The following SMAP1 variants were observed in gnomAD, a reference collection of about 807,000 sequenced individuals.
The protein encoded by SMAP1 is small ArfGAP 1.
SMAP1 carries 24 observed loss-of-function variants against 58.5 expected under a neutral mutation model. That is an observed-to-expected ratio of 0.41 (90% CI 0.30 to 0.58). The LOEUF is 0.58. Among genes scored for constraint, SMAP1 ranks in the 20% least tolerant of loss-of-function variants. SMAP1 has a pLI of 0.29. For missense variants in SMAP1, 563 were observed against 566.3 expected (o/e 0.99, Z 0.06); for synonymous variants, 216 against 196.6 (o/e 1.10, Z -0.82).
chr6:70,776,215 G>C (rs895051834), intron 4 of SMAP1, among the ~76,000 whole-genome samples: 4 of 151,764 alleles, frequency 2.6e-5, no homozygotes. Context: ...ACAGAGTCTC[G>C]CTCTGTTGCC....
chr6:70,801,754 C>A (rs1768865200), intron 6 of SMAP1, among the ~76,000 whole-genome samples: 1 of 152,134 alleles, frequency 6.6e-6, no homozygotes, highest in African/African-American at 2.4e-5. Context: ...TTTCCCAGCA[C>A]CATTTATTAA....
At chr6:70,693,324 A>T (rs1313242157) in intron 1 of SMAP1, among the ~76,000 whole-genome samples, 11 of 106,572 alleles carry the variant, frequency 1.0e-4, no homozygotes, top group African/African-American at 3.3e-4. Context: ...TTTTTTTTTA[A>T]GACAGAGTCT....
At chr6:70,704,201 C>T (rs1341887511) in intron 1 of SMAP1, among the ~76,000 whole-genome samples, 1 of 152,172 alleles carries the variant, frequency 6.6e-6, no homozygotes, top group African/African-American at 2.4e-5. Context: ...TTTATAACAT[C>T]TGTCCTCATG....
At chr6:70,781,273 C>T (rs1767753459) in intron 4 of SMAP1, among the ~76,000 whole-genome samples, 1 of 152,158 alleles carries the variant, frequency 6.6e-6, no homozygotes, top group South Asian at 2.1e-4. Context: ...TTCTTCTACA[C>T]ACTTGGTAGC....
At chr6:70,857,830 T>G in intron 9 of SMAP1, 92 bp from the exon 10 acceptor site, 1 of 1,376,526 alleles carries the variant, frequency 7.3e-7, no homozygotes, top group South Asian at 1.3e-5. Flanking sequence ...TTGCTGTGAG[T>G]AGTTCAGAAA....
intron 3 of SMAP1, among the ~76,000 whole-genome samples, chr6:70,771,960 C>T (rs1767342561): frequency 1.3e-5 from 2 of 152,198 alleles, no homozygotes; most frequent in African/African-American, 4.8e-5. Flanking sequence ...GTGGCTGGAG[C>T]TGTCCCGTCT....
chr6:70,782,605 A>G (rs1767809080), intron 4 of SMAP1, among the ~76,000 whole-genome samples: 1 of 152,156 alleles, frequency 6.6e-6, no homozygotes, highest in Admixed American at 6.5e-5. Flanking sequence ...TAGTTTTGGA[A>G]CTTGAATTGG....
intron 1 of SMAP1, among the ~76,000 whole-genome samples, chr6:70,711,533 T>C (rs1028914844): frequency 2.4e-4 from 37 of 151,952 alleles, no homozygotes; most frequent in African/African-American, 8.7e-4. Flanking sequence ...CTTTTTTTTT[T>C]TTTTCTTTTT....
intron 4 of SMAP1, among the ~76,000 whole-genome samples, chr6:70,778,351 T>A (rs1582166234): frequency 6.6e-6 from 1 of 152,234 alleles, no homozygotes; most frequent in Admixed American, 6.5e-5. Context: ...GGGTTTGTCA[T>A]ATATGACCTT....
chr6:70,802,648 T>A (rs1768914365), intron 6 of SMAP1, among the ~76,000 whole-genome samples: 1 of 152,218 alleles, frequency 6.6e-6, no homozygotes, highest in African/African-American at 2.4e-5. Flanking sequence ...GGGTTTGTCA[T>A]AAATAGCTCT....
chr6:70,759,192 A>AAAAACAGCCC (rs968532541), intron 3 of SMAP1, among the ~76,000 whole-genome samples: 3 of 152,136 alleles, frequency 2.0e-5, no homozygotes, highest in African/African-American at 7.2e-5. Flanking sequence ...TGGTAGAAGG[A>AAAAACAGCCC]AAAACAGCCC....
At chr6:70,765,911 A>G in intron 3 of SMAP1, among the ~76,000 whole-genome samples, 1 of 104,958 alleles carries the variant, frequency 9.5e-6, no homozygotes, top group African/African-American at 3.7e-5. Flanking sequence ...CCACCCCACA[A>G]CAGTCCCCAG....
At chr6:70,668,787 C>T (rs926389050) in intron 1 of SMAP1, 31 of 1,494,822 alleles carry the variant, frequency 2.1e-5, no homozygotes, top group Non-Finnish European at 2.7e-5. Flanking sequence ...GTTTTTTAGT[C>T]TGGTTATTAG....
At chr6:70,796,425 A>C (rs1196436514) in intron 5 of SMAP1, among the ~76,000 whole-genome samples, 1 of 152,206 alleles carries the variant, frequency 6.6e-6, no homozygotes, top group African/African-American at 2.4e-5. Context: ...CTTCATTTGT[A>C]AGATGACAGT....
intron 5 of SMAP1, among the ~76,000 whole-genome samples, chr6:70,795,902 T>A (rs1768584846): frequency 6.6e-6 from 1 of 151,586 alleles, no homozygotes; most frequent in Admixed American, 6.6e-5. Context: ...CACGCCCGGC[T>A]AATTTTTGTA....
intron 3 of SMAP1, 47 bp from the exon 4 acceptor site, chr6:70,773,303 G>A (rs1355458344): frequency 1.7e-6 from 2 of 1,176,602 alleles, no homozygotes; most frequent in East Asian, 4.9e-5. Context: ...AAAGGGAAGT[G>A]TACATATCAC....
At chr6:70,806,305 C>G (rs55849048) in intron 6 of SMAP1, among the ~76,000 whole-genome samples, 2,375 of 152,350 alleles carry the variant, frequency 0.016, 53 homozygotes, top group African/African-American at 0.052. Flanking sequence ...AGCGTGGGAC[C>G]TGCCAAGCCA....
At chr6:70,787,507 C>T (rs1247299541) in intron 4 of SMAP1, among the ~76,000 whole-genome samples, 5 of 152,142 alleles carry the variant, frequency 3.3e-5, no homozygotes, top group South Asian at 2.1e-4. Context: ...TCAGAGTGAA[C>T]AGGCAACCTA....
intron 1 of SMAP1, among the ~76,000 whole-genome samples, chr6:70,671,186 T>G (rs74941828): frequency 1.0e-4 from 4 of 39,332 alleles, no homozygotes; most frequent in Non-Finnish European, 2.6e-4. Flanking sequence ...TGATTTTTGT[T>G]TTTTTTTTTC....
Sources: allele counts gnomAD v4.1 joint callset (sites outside exome capture counted in the v4.1 genomes callset), GRCh38; gene constraint gnomAD v4.1.1; transcripts MANE v1.5; gene names NCBI Gene and HGNC (gene_info 2026-07-23, HGNC 2026-07-21).